HSD11B2: variants seen among roughly 807,000 people sequenced by gnomAD.
HSD11B2 encodes 11-beta-hydroxysteroid dehydrogenase type 2.
A neutral mutation model predicts 20.9 loss-of-function variants in HSD11B2; 17 were observed. The observed-to-expected ratio is 0.81, with a 90% confidence interval of 0.56 to 1.22. The LOEUF (loss-of-function observed/expected upper bound fraction) is 1.22. HSD11B2 is among the 50% of genes most tolerant of loss of function. The probability of loss-of-function intolerance (pLI) is 0.00; values close to 1 mark genes in which losing one functional copy is unlikely to be tolerated. For synonymous variants in HSD11B2, 253 were observed against 255.4 expected, an observed-to-expected ratio of 0.99 and a Z score of 0.09; for missense variants, 480 against 563.6, an observed-to-expected ratio of 0.85 and a Z score of 1.50.
intron 1 of HSD11B2, among the ~76,000 whole-genome samples, chr16:67,433,988 C>G (rs1032445796): frequency 6.6e-6 from 1 of 152,190 alleles, no homozygotes; most frequent in East Asian, 1.9e-4. Flanking sequence ...TGGCCTTTCC[C>G]CTTCCCTCAC....
rs1404707913 is a variant in HSD11B2, at chr16:67,436,749, G to A, written c.964G>A (p.Val322Ile). 2 of 1,613,960 alleles carry A rather than the reference G, an allele frequency of 1.2e-6. No individual in the cohort carries two copies. Among genetic ancestry groups the A allele is most frequent in the African/African-American group, 1.3e-5 (1 of 74,936 alleles). The change falls in exon 5 of 5, where the codon GTA becomes ATA. Residue 322 changes from valine to isoleucine, a missense_variant. Physicochemically the swap from Val to Ile is conservative, Grantham distance 29. Transcript: ENST00000326152. This position sits in a 1 kb window ranked among gnomAD's most constrained non-coding sequence, Gnocchi z 5.7. ...RLAMSDLTPV[V>I]DAITDALLAA... ...GGCCATGTCCGACCTCACCCCAGTT[G>A]TAGATGCCATCACAGATGCGCTGCT...
intron 1 of HSD11B2, among the ~76,000 whole-genome samples, chr16:67,433,858 G>A (rs1319394209): frequency 1.3e-5 from 2 of 151,780 alleles, no homozygotes; most frequent in East Asian, 2.0e-4. Flanking sequence ...CGTACTGAGC[G>A]GTCCAGGAGT....
chr16:67,435,367 A>G (rs1042494638), intron 1 of HSD11B2, among the ~76,000 whole-genome samples: 1 of 152,160 alleles, frequency 6.6e-6, no homozygotes, highest in East Asian at 1.9e-4. Context: ...ACTAGGCCTT[A>G]GTTTCCTCTT....
rs529969395 is a variant in HSD11B2 at position 67,437,335 on chromosome 16, C to T, written c.*332C>T. 34 of 431,470 alleles carry T rather than the reference C, an allele frequency of 7.9e-5. No homozygotes were observed. The highest frequency in any genetic ancestry group is 1.3e-4 in the Non-Finnish European group (31 of 237,704). 26.7% of individuals were successfully genotyped at this position (431,470 alleles called of 1,614,324 possible). A position where few individuals can be genotyped will look rare whatever the true frequency, so the allele number is the denominator to read the frequency against. On this transcript the variant is annotated 3_prime_UTR_variant, in exon 5 of 5. Transcript: ENST00000326152. ...TCACAGGACTCTGCAGATAGTGCCT[C>T]TGCAAACTAAGGAGTGACTAGGTGG...
chr16:67,431,201 TCCCCGGCCCGGCCCCCGCCCCGCCCCG>T lies in HSD11B2; in HGVS notation c.-43_-17del. ...CGGCCTAGAAGCTCTCTCTCCCCGCTCCCCGGCCCGGCCCCCGCCCCGCCCCGCCCCAGCCCGCTGGGCCGCCATGGA... is the reference window on the plus strand; with the variant it reads ...CGGCCTAGAAGCTCTCTCTCCCCGCTCCCCAGCCCGCTGGGCCGCCATGGA... On this transcript the variant is annotated 5_prime_UTR_variant, in exon 1 of 5. Coordinates refer to ENST00000326152, the MANE Select transcript of HSD11B2 (RefSeq NM_000196.4). The T allele has an allele frequency of 1.9e-6, 2 of 1,077,032 alleles. No individual in the cohort carries two copies. The highest frequency in any genetic ancestry group is 2.3e-6 in the Non-Finnish European group (2 of 874,828). The allele number at this position is 1,077,032 out of a possible 1,614,324, so 66.7% of individuals were successfully genotyped here. A position where few individuals can be genotyped will look rare whatever the true frequency, so the allele number is the denominator to read the frequency against.
rs1300783645 is a variant in HSD11B2 at position 67,437,317 on chromosome 16, ACT to A, written c.*317_*318del. ...AGACTTCACTGCAGCCTTTCACAGGACTCTGCAGATAGTGCCTCTGCAAACTA... is the reference window on the plus strand; with the variant it reads ...AGACTTCACTGCAGCCTTTCACAGGACTGCAGATAGTGCCTCTGCAAACTA... On this transcript the variant is annotated 3_prime_UTR_variant, in exon 5 of 5. Transcript: ENST00000326152. 11 of 492,802 alleles carry A rather than the reference ACT, an allele frequency of 2.2e-5. No homozygotes were observed. The highest frequency in any genetic ancestry group is 1.8e-4 in the Admixed American group (5 of 27,358). The allele number at this position is 492,802 out of a possible 1,614,324, so 30.5% of individuals were successfully genotyped here.
intron 1 of HSD11B2, 60 bp downstream of exon 1, chr16:67,431,573 A>G: frequency 7.9e-7 from 1 of 1,260,872 alleles, no homozygotes; most frequent in Non-Finnish European, 1.0e-6. Context: ...CTGGACACTC[A>G]ACAGGACTGA....
At position 67,436,806 on chromosome 16, in the gene HSD11B2, G is replaced by A. The variant is rs1457971757; in HGVS notation, c.1021G>A (p.Gly341Ser). 10 of 1,613,750 alleles carry A rather than the reference G, an allele frequency of 6.2e-6. No individual in the cohort carries two copies. Among genetic ancestry groups the A allele is most frequent in the African/African-American group, 1.3e-5 (1 of 75,042 alleles). The change falls in exon 5 of 5, where the codon GGC becomes AGC. Residue 341 changes from glycine (G) to serine (S), a missense_variant. By Grantham distance (56) the Gly-to-Ser change is moderately conservative (BLOSUM62 0). Around this residue, in one of 2 missense-constraint regions of HSD11B2, gnomAD observed 374 missense variants for 480.9 expected, o/e 0.78. Transcript: ENST00000326152. The surrounding 1 kb of genome is among the most constrained non-coding windows in gnomAD (Gnocchi z 5.7). ...TCGGCCCCGCCGCCGCTATTACCCCGGCCAGGGCCTGGGGCTCATGTACTT... is the reference window on the plus strand; with the variant it reads ...TCGGCCCCGCCGCCGCTATTACCCCAGCCAGGGCCTGGGGCTCATGTACTT... The part of the protein sequence containing the change: ...AARPRRRYYP[G>S]QGLGLMYFIH...
intron 1 of HSD11B2, among the ~76,000 whole-genome samples, chr16:67,432,262 G>GA (rs933055850): frequency 5.3e-5 from 8 of 151,550 alleles, no homozygotes; most frequent in African/African-American, 1.9e-4. Flanking sequence ...AAGGGGAAGG[G>GA]GGGGGGGGGC....
rs767630463 is a variant in HSD11B2 at position 67,436,223 on chromosome 16, C to A, written c.665-26C>A. On this transcript the variant is annotated intron_variant, in intron 3 of 4. Coordinates refer to ENST00000326152, the MANE Select transcript of HSD11B2 (RefSeq NM_000196.4). The surrounding 1 kb of genome is among the most constrained non-coding windows in gnomAD (Gnocchi z 5.7). ...TAGGGAGCCCCTTGCCAAAGCTGAG[C>A]TGCCCCACTCCCAATCCATCCGCAG... is the stretch of plus-strand genomic sequence containing the variant. The A allele has an allele frequency of 3.1e-6, 5 of 1,613,896 alleles. No individual in the cohort carries two copies. The highest frequency in any genetic ancestry group is 3.4e-6 in the Non-Finnish European group (4 of 1,179,970).
intron 1 of HSD11B2, among the ~76,000 whole-genome samples, chr16:67,432,057 T>C (rs774902851): frequency 2.4e-4 from 36 of 151,828 alleles, no homozygotes; most frequent in South Asian, 4.2e-4. Context: ...CATTCAGCTG[T>C]CTTTCTGTCT....
chr16:67,430,859 C>A, upstream of HSD11B2: 1 of 153,480 alleles, frequency 6.5e-6, no homozygotes, highest in Non-Finnish European at 1.4e-5. The surrounding 1 kb of genome is among the most constrained non-coding windows in gnomAD (Gnocchi z 5.4). Context: ...AGAGCTGAGG[C>A]CGGGCACCCG....
intron 1 of HSD11B2, among the ~76,000 whole-genome samples, chr16:67,434,628 A>G (rs1253394203): frequency 6.6e-6 from 1 of 152,132 alleles, no homozygotes; most frequent in Non-Finnish European, 1.5e-5. Flanking sequence ...TGTATCTTCA[A>G]TCCCAGCACT....
chr16:67,430,153 C>G (rs1451803598), upstream of HSD11B2, among the ~76,000 whole-genome samples: 1 of 151,928 alleles, frequency 6.6e-6, no homozygotes, highest in Admixed American at 6.6e-5. This position sits in a 1 kb window ranked among gnomAD's most constrained non-coding sequence, Gnocchi z 5.4. Flanking sequence ...GGGTGGGGGG[C>G]CACTGGGCCA....
At position 67,436,650 on chromosome 16, in the gene HSD11B2, C is replaced by A. The variant is rs755689274; in HGVS notation, c.865C>A (p.Gln289Lys). Residue 289 changes from glutamine (Q) to lysine (K), a missense_variant, in exon 5 of 5, where the codon CAA becomes AAA. Gln to Lys is a moderately conservative substitution (Grantham distance 53). Coordinates refer to ENST00000326152, the MANE Select transcript of HSD11B2 (RefSeq NM_000196.4). This position sits in a 1 kb window ranked among gnomAD's most constrained non-coding sequence, Gnocchi z 5.7. ...RKQLLLANLP[Q>K]ELLQAYGKDY... Reference sequence around the variant, plus strand: ...GCAATTGCTGCTGGCCAACCTGCCTCAAGAGCTGCTGCAGGCCTACGGCAA... The same window carrying A: ...GCAATTGCTGCTGGCCAACCTGCCTAAAGAGCTGCTGCAGGCCTACGGCAA... 4.3e-6 allele frequency: 7 copies of A among 1,614,218 alleles called. No homozygotes were observed. The Admixed American group carries it at 1.0e-4, about 23-fold the overall frequency.
chr16:67,434,780 G>A (rs940093519), intron 1 of HSD11B2, among the ~76,000 whole-genome samples: 1 of 152,178 alleles, frequency 6.6e-6, no homozygotes, highest in Admixed American at 6.5e-5. Flanking sequence ...TGTAATCCCA[G>A]AACTTTGGGA....
chr16:67,432,267 G>T (rs879487664), intron 1 of HSD11B2, among the ~76,000 whole-genome samples: 1 of 152,080 alleles, frequency 6.6e-6, no homozygotes, highest in Non-Finnish European at 1.5e-5. Context: ...GAAGGGGGGG[G>T]GGGGCTGGAG....
Position 67,436,111 on chromosome 16 carries a change from G to T in HSD11B2, c.633G>T (p.Arg211Ser). The T allele has an allele frequency of 6.2e-7, 1 of 1,613,962 alleles. No homozygotes were observed. The highest frequency in any genetic ancestry group is 1.7e-5 in the Admixed American group (1 of 60,028). ...TCCTGCCCCTGCTGCGCAGCTCAAG[G>T]GGCCGCATCGTGACTGTGGGGAGCC... Reference protein sequence around the residue: ...KGLLPLLRSSRGRIVTVGSPA... With the variant: ...KGLLPLLRSSSGRIVTVGSPA... Residue 211 changes from arginine (R) to serine (S), a missense_variant, in exon 3 of 5, where the codon AGG becomes AGT. By Grantham distance (110) the Arg-to-Ser change is moderately radical. Coordinates refer to ENST00000326152, the MANE Select transcript of HSD11B2 (RefSeq NM_000196.4). This position sits in a 1 kb window ranked among gnomAD's most constrained non-coding sequence, Gnocchi z 5.7.
rs2040929544 is a variant in HSD11B2, at chr16:67,431,192, T to G, written c.-57T>G. The G allele has an allele frequency of 9.8e-7, 1 of 1,024,964 alleles. No homozygotes were observed. Among genetic ancestry groups the G allele is most frequent in the African/African-American group, 1.7e-5 (1 of 57,728 alleles). The allele number at this position is 1,024,964 out of a possible 1,614,324, so 63.5% of individuals were successfully genotyped here. On this transcript the variant is annotated 5_prime_UTR_variant, in exon 1 of 5. Coordinates refer to ENST00000326152, the MANE Select transcript of HSD11B2 (RefSeq NM_000196.4). ...TCCGCGCCCCGGCCTAGAAGCTCTC[T>G]CTCCCCGCTCCCCGGCCCGGCCCCC...
Sources: gnomAD v4.1 joint callset for allele counts (sites outside exome capture counted in the v4.1 genomes callset) on GRCh38, gnomAD v4.1.1 for gene constraint, gnomAD v4.1.1 regional missense constraint, Gnocchi (gnomAD v3.1) non-coding constraint, MANE v1.5 for transcripts, NCBI Gene and HGNC (gene_info 2026-07-23, HGNC 2026-07-21) for gene names.